Variants in MAPK10 observed in about 807,000 individuals in gnomAD.
MAPK10 encodes mitogen-activated protein kinase 10, also known as JNK3 alpha protein kinase.
A neutral mutation model predicts 59.3 loss-of-function variants in MAPK10; 25 were observed. That is an observed-to-expected ratio of 0.42 (90% CI 0.31 to 0.59). MAPK10 has a LOEUF of 0.59. Ranked by LOEUF, MAPK10 falls within the 20% of genes least tolerant of loss-of-function variation. MAPK10 has a pLI of 0.15. For missense variants in MAPK10, 351 were observed against 568.9 expected (o/e 0.62, Z 3.90); for synonymous variants, 190 against 200.5 (o/e 0.95, Z 0.44).
At chr4:86,572,855 T>C (rs1448484576) in intron 1 of MAPK10, among the ~76,000 whole-genome samples, 1 of 152,242 alleles carries the variant, frequency 6.6e-6, no homozygotes, top group Non-Finnish European at 1.5e-5. Context: ...AGTAGGTATA[T>C]AATGATATTC....
At chr4:86,487,581 A>G (rs541638174) in intron 1 of MAPK10, among the ~76,000 whole-genome samples, 1 of 152,108 alleles carries the variant, frequency 6.6e-6, no homozygotes, top group East Asian at 1.9e-4. Flanking sequence ...TACAAAAAAA[A>G]TTAGCCAGGC....
chr4:86,334,791 A>ATTGTT (rs1720092206), intron 2 of MAPK10, among the ~76,000 whole-genome samples: 3 of 152,000 alleles, frequency 2.0e-5, no homozygotes, highest in Non-Finnish European at 2.9e-5. Context: ...TCCTGAAAAT[A>ATTGTT]TTGTTTTCTT....
chr4:86,209,139 T>C (rs2085060839), intron 2 of MAPK10, among the ~76,000 whole-genome samples: 1 of 152,030 alleles, frequency 6.6e-6, no homozygotes, highest in Non-Finnish European at 1.5e-5. Context: ...TCTCAGTTTT[T>C]AATAGCAAAA....
chr4:86,125,801 T>G (rs1190739342), intron 4 of MAPK10: 3 of 152,126 alleles, frequency 2.0e-5, no homozygotes, highest in Non-Finnish European at 4.4e-5. Context: ...TATATTATGT[T>G]AACTTTATTT....
intron 1 of MAPK10, among the ~76,000 whole-genome samples, chr4:86,464,559 T>C (rs549569055): frequency 3.9e-5 from 6 of 152,302 alleles, no homozygotes; most frequent in African/African-American, 1.4e-4. Context: ...CAGTGGCTCA[T>C]GCCTGTAATC....
At chr4:86,468,434 T>C (rs1240112246) in intron 1 of MAPK10, among the ~76,000 whole-genome samples, 1 of 152,242 alleles carries the variant, frequency 6.6e-6, no homozygotes, top group Non-Finnish European at 1.5e-5. Flanking sequence ...AGGCATACTT[T>C]TATGCATTTT....
At chr4:86,463,529 T>C (rs1751935251) in intron 1 of MAPK10, among the ~76,000 whole-genome samples, 1 of 152,204 alleles carries the variant, frequency 6.6e-6, no homozygotes, top group South Asian at 2.1e-4. Flanking sequence ...TATGATCACT[T>C]GCAAAATTCA....
At chr4:86,301,109 TACCC>T (rs2095464897) in intron 2 of MAPK10, among the ~76,000 whole-genome samples, 1 of 152,092 alleles carries the variant, frequency 6.6e-6, no homozygotes, top group African/African-American at 2.4e-5. Context: ...TCCTGGCCTC[TACCC>T]ACTAGAGGCT....
intron 2 of MAPK10, among the ~76,000 whole-genome samples, chr4:86,199,349 C>A (rs2082101964): frequency 6.6e-6 from 1 of 151,828 alleles, no homozygotes; most frequent in African/African-American, 2.4e-5. Flanking sequence ...TAGTGGAATA[C>A]CATATAGCAA....
rs560257012 is a variant in MAPK10, at chr4:86,468,836, A to G, written c.-262-114192T>C. 7.0e-4 allele frequency among the ~76,000 whole-genome samples: 107 copies of G among 152,140 alleles called. 1 individual carries two copies. Among genetic ancestry groups the G allele is most frequent in the African/African-American group, 2.3e-3 (94 of 41,430 alleles). Reference sequence around the variant, plus strand: ...GCCACTGCACTCCAGCCTGGGTGACAGAGTGAGACTCCATCTCAAAAAAAA... The same window carrying G: ...GCCACTGCACTCCAGCCTGGGTGACGGAGTGAGACTCCATCTCAAAAAAAA... On this transcript the variant is annotated intron_variant, in intron 1 of 4. Transcript: ENST00000502302.
chr4:86,317,233 T>C (rs977517108), intron 2 of MAPK10, among the ~76,000 whole-genome samples: 1 of 152,138 alleles, frequency 6.6e-6, no homozygotes, highest in Non-Finnish European at 1.5e-5. Flanking sequence ...TTTCCTTTTC[T>C]ATTAGAGTCT....
intron 9 of MAPK10, among the ~76,000 whole-genome samples, chr4:86,079,103 G>C (rs1374941877): frequency 6.6e-6 from 1 of 152,118 alleles, no homozygotes; most frequent in Non-Finnish European, 1.5e-5. Context: ...ATATGAATAA[G>C]TGACTTAATA....
intron 4 of MAPK10, chr4:86,125,884 T>C (rs1055684856): frequency 1.3e-5 from 2 of 152,114 alleles, no homozygotes; most frequent in African/African-American, 4.8e-5. Flanking sequence ...ATGTATAAAA[T>C]TAATGACCTA....
chr4:86,112,176 T>C (rs1193692680), intron 4 of MAPK10, among the ~76,000 whole-genome samples: 3 of 152,006 alleles, frequency 2.0e-5, no homozygotes, highest in Non-Finnish European at 1.5e-5. Context: ...TCCTGATTCA[T>C]TGATTTTTGT....
chr4:86,349,329 C>A (rs1471227126), intron 2 of MAPK10, among the ~76,000 whole-genome samples: 1 of 152,022 alleles, frequency 6.6e-6, no homozygotes, highest in Non-Finnish European at 1.5e-5. Flanking sequence ...GTGTTTTTTT[C>A]TTCATGTGTC....
chr4:86,484,563 A>G (rs1172603173), intron 1 of MAPK10, among the ~76,000 whole-genome samples: 1 of 152,192 alleles, frequency 6.6e-6, no homozygotes, highest in East Asian at 1.9e-4. Flanking sequence ...GGATAATAAA[A>G]TCCACCCAAA....
At chr4:86,303,669 G>T (rs970181466) in intron 2 of MAPK10, among the ~76,000 whole-genome samples, 2 of 152,118 alleles carry the variant, frequency 1.3e-5, no homozygotes, top group Admixed American at 1.3e-4. Flanking sequence ...TTTTATATGT[G>T]GTAGTTAGAA....
At chr4:86,277,860 T>C (rs1261495351) in intron 2 of MAPK10, among the ~76,000 whole-genome samples, 1 of 152,106 alleles carries the variant, frequency 6.6e-6, no homozygotes, top group Non-Finnish European at 1.5e-5. Flanking sequence ...TGCTATCTGT[T>C]GAAGGCTTGG....
intron 1 of MAPK10, among the ~76,000 whole-genome samples, chr4:86,583,877 C>T (rs557808114): frequency 1.4e-4 from 21 of 152,110 alleles, no homozygotes; most frequent in Non-Finnish European, 2.6e-4. Flanking sequence ...ACCCACCTTC[C>T]ACCCCCTTGT....
Sources: gnomAD v4.1 joint callset for allele counts (sites outside exome capture counted in the v4.1 genomes callset) on GRCh38, gnomAD v4.1.1 for gene constraint, MANE v1.5 for transcripts, NCBI Gene and HGNC (gene_info 2026-07-23, HGNC 2026-07-21) for gene names.